Variants in CRPPA observed in about 807,000 individuals in gnomAD.
CRPPA encodes the protein D-ribitol-5-phosphate cytidylyltransferase.
CRPPA carries 43 observed loss-of-function variants against 52.0 expected under a neutral mutation model. The ratio of observed to expected loss-of-function variants is 0.83; its 90% confidence interval spans 0.65 to 1.07. The LOEUF (loss-of-function observed/expected upper bound fraction) is 1.07, where lower values mean the gene tolerates loss of function less well. Ranked by LOEUF, CRPPA falls within the 50% of genes least tolerant of loss-of-function variation. The pLI is 0.00. For missense variants in CRPPA, 629 were observed against 551.7 expected, an observed-to-expected ratio of 1.14 and a Z score of -1.40; for synonymous variants, 250 against 203.5, an observed-to-expected ratio of 1.23 and a Z score of -1.94.
intron 9 of CRPPA, among the ~76,000 whole-genome samples, chr7:16,181,498 C>G: frequency 6.6e-6 from 1 of 151,850 alleles, no homozygotes; most frequent in East Asian, 1.9e-4. Flanking sequence ...TTTATCAAAT[C>G]TCCAGCTTCA....
intron 9 of CRPPA, among the ~76,000 whole-genome samples, chr7:16,104,916 G>GA (rs200804703): frequency 4.9e-5 from 7 of 141,736 alleles, no homozygotes; most frequent in Admixed American, 7.0e-5. Context: ...AAAAAAAAAA[G>GA]AAAAAAAAAA....
Position 16,389,922 on chromosome 7 carries a change from A to AT in CRPPA, c.535-13682_535-13681insA, listed in dbSNP as rs1163713598. Among the ~76,000 whole-genome samples, 539 of 62,138 alleles carry AT rather than the reference A, an allele frequency of 8.7e-3. 4 individuals carry two copies. Among genetic ancestry groups the AT allele is most frequent in the East Asian group, 0.014 (25 of 1,810 alleles). The allele number at this position is 62,138 out of a possible 152,430, so 40.8% of individuals were successfully genotyped here. ...GAACAAGCCTAGTATACAAAAAAAAAAAAAAAATATATATATATATATATA... is the reference window on the plus strand; with the variant it reads ...GAACAAGCCTAGTATACAAAAAAAAATAAAAAAATATATATATATATATATA... On this transcript the variant is annotated intron_variant, in intron 2 of 9. Coordinates refer to ENST00000407010, the MANE Select transcript of CRPPA (RefSeq NM_001101426.4).
At chr7:16,233,056 C>A (rs535720179) in intron 8 of CRPPA, among the ~76,000 whole-genome samples, 1 of 151,716 alleles carries the variant, frequency 6.6e-6, no homozygotes, top group East Asian at 1.9e-4. Context: ...TTTTTAAAAC[C>A]CCCACTAGAA....
At chr7:16,127,527 A>G (rs1782603237) in intron 9 of CRPPA, among the ~76,000 whole-genome samples, 1 of 152,162 alleles carries the variant, frequency 6.6e-6, no homozygotes, top group African/African-American at 2.4e-5. Flanking sequence ...AAAGAGAATA[A>G]CCTATTATAA....
intron 8 of CRPPA, among the ~76,000 whole-genome samples, chr7:16,256,210 T>C (rs1783634461): frequency 6.6e-6 from 1 of 152,138 alleles, no homozygotes; most frequent in Admixed American, 6.5e-5. Flanking sequence ...TCACTGGAAA[T>C]GCATATCAAA....
At chr7:16,119,367 T>C (rs1288170073) in intron 9 of CRPPA, among the ~76,000 whole-genome samples, 1 of 148,256 alleles carries the variant, frequency 6.7e-6, no homozygotes, top group Non-Finnish European at 1.5e-5. Flanking sequence ...TTCCATTAAA[T>C]CTAAAAATCT....
intron 3 of CRPPA, among the ~76,000 whole-genome samples, chr7:16,336,210 T>A (rs1055029089): frequency 2.6e-5 from 4 of 151,408 alleles, no homozygotes; most frequent in African/African-American, 9.7e-5. Flanking sequence ...GCACTTAGAA[T>A]TCTCTAATAT....
At chr7:16,260,492 T>C (rs1343203823) in intron 6 of CRPPA, among the ~76,000 whole-genome samples, 1 of 151,920 alleles carries the variant, frequency 6.6e-6, no homozygotes, top group Non-Finnish European at 1.5e-5. Context: ...AAAAACCGAG[T>C]GCTACATTTT....
chr7:16,214,316 TGCCCTA>T (rs1782243975), intron 9 of CRPPA, among the ~76,000 whole-genome samples: 2 of 152,320 alleles, frequency 1.3e-5, no homozygotes, highest in South Asian at 4.1e-4. Flanking sequence ...CAGACCCTTT[TGCCCTA>T]GCCAAATGAG....
chr7:16,399,072 C>T (rs979545252), intron 2 of CRPPA, among the ~76,000 whole-genome samples: 1 of 152,134 alleles, frequency 6.6e-6, no homozygotes, highest in Non-Finnish European at 1.5e-5. Context: ...GGTGCATGAC[C>T]AACACGTGAC....
intron 3 of CRPPA, among the ~76,000 whole-genome samples, chr7:16,352,951 A>C (rs1786196416): frequency 6.6e-6 from 1 of 151,992 alleles, no homozygotes; most frequent in South Asian, 2.1e-4. Context: ...AGCCTGCAAA[A>C]GACAGGAAAT....
chr7:16,376,055 C>T (rs747986248), intron 3 of CRPPA, 37 bp downstream of exon 3: 4 of 1,541,810 alleles, frequency 2.6e-6, no homozygotes, highest in Non-Finnish European at 2.6e-6. Context: ...GGGAACCTGA[C>T]ATAACAGCAG....
At position 16,259,087 on chromosome 7, in the gene CRPPA, A is replaced by G; in HGVS notation, c.934-75T>C. On this transcript the variant is annotated intron_variant, in intron 6 of 9. Transcript: ENST00000407010. ...AAACATCTTTGTTACAAAGGAACAC[A>G]TAATTGCTAGAAGGCCCATAAAGCC... 2.9e-6 allele frequency: 3 copies of G among 1,032,190 alleles called. No individual in the cohort carries two copies. The South Asian group carries it at 4.6e-5, about 16-fold the overall frequency. 63.9% of individuals were successfully genotyped at this position (1,032,190 alleles called of 1,614,324 possible). A position where few individuals can be genotyped will look rare whatever the true frequency, so the allele number is the denominator to read the frequency against.
intron 2 of CRPPA, among the ~76,000 whole-genome samples, chr7:16,383,627 T>A (rs897019964): frequency 6.6e-6 from 1 of 152,242 alleles, no homozygotes; most frequent in Middle Eastern, 3.2e-3. Context: ...GCAGGCCTCC[T>A]TGAGCTGTGG....
intron 8 of CRPPA, among the ~76,000 whole-genome samples, chr7:16,229,053 ATATT>A (rs1782723662): frequency 6.6e-6 from 1 of 151,876 alleles, no homozygotes; most frequent in South Asian, 2.1e-4. Context: ...ATGACTTTTT[ATATT>A]TATTTGCTAA....
chr7:16,387,494 G>T (rs1787318179), intron 2 of CRPPA, among the ~76,000 whole-genome samples: 1 of 151,844 alleles, frequency 6.6e-6, no homozygotes, highest in Non-Finnish European at 1.5e-5. Context: ...CATGAAAAAA[G>T]TAAACTAGCA....
At chr7:16,291,324 A>G (rs1298316184) in intron 5 of CRPPA, among the ~76,000 whole-genome samples, 1 of 152,030 alleles carries the variant, frequency 6.6e-6, no homozygotes, top group Non-Finnish European at 1.5e-5. Flanking sequence ...AATAGCCAAT[A>G]TACAAAATCA....
intron 9 of CRPPA, among the ~76,000 whole-genome samples, chr7:16,200,727 G>A (rs974142135): frequency 1.3e-5 from 2 of 152,176 alleles, no homozygotes; most frequent in African/African-American, 2.4e-5. Context: ...ACATTTAAAT[G>A]CTTAGTATTG....
At chr7:16,374,236 C>T (rs758507553) in intron 3 of CRPPA, among the ~76,000 whole-genome samples, 2 of 152,132 alleles carry the variant, frequency 1.3e-5, no homozygotes, top group East Asian at 1.9e-4. Context: ...GTGGGATAAG[C>T]TGGCTTGCTA....
Sources: allele counts gnomAD v4.1 joint callset (sites outside exome capture counted in the v4.1 genomes callset), GRCh38; gene constraint gnomAD v4.1.1; transcripts MANE v1.5; gene names NCBI Gene and HGNC (gene_info 2026-07-23, HGNC 2026-07-21).